The following TRAPPC9 variants were observed in gnomAD, a reference collection of about 807,000 sequenced individuals.
TRAPPC9 encodes the protein trafficking protein particle complex subunit 9, also known as IKK2 binding protein.
Under a neutral mutation model 124.0 loss-of-function variants are expected in TRAPPC9, and 83 were observed. The observed-to-expected ratio is 0.67, with a 90% CI of 0.56 to 0.80. TRAPPC9 has a LOEUF of 0.80. TRAPPC9 is among the 30% of genes least tolerant of loss of function. The pLI, the probability that TRAPPC9 is intolerant of heterozygous loss-of-function variation, is 0.00. For missense variants in TRAPPC9, 1,302 were observed against 1,508.3 expected (o/e 0.86, Z 2.27); for synonymous variants, 638 against 617.5 (o/e 1.03, Z -0.49).
intron 7 of TRAPPC9, among the ~76,000 whole-genome samples, chr8:140,392,292 A>ATTAAAT (rs2068949745): frequency 6.6e-6 from 1 of 152,218 alleles, no homozygotes; most frequent in East Asian, 1.9e-4. Context: ...GCATGCAACA[A>ATTAAAT]GCTGGCTGCT....
chr8:140,312,321 A>G (rs545344609), intron 9 of TRAPPC9, among the ~76,000 whole-genome samples: 44 of 152,342 alleles, frequency 2.9e-4, no homozygotes, highest in Admixed American at 1.6e-3. Flanking sequence ...CACGATCGCC[A>G]GGGATGACAC....
chr8:139,811,104 T>G (rs972678381), intron 21 of TRAPPC9, among the ~76,000 whole-genome samples: 2 of 152,084 alleles, frequency 1.3e-5, no homozygotes, highest in African/African-American at 4.8e-5. Context: ...AAGTGGCAAT[T>G]AATATTCTCA....
intron 9 of TRAPPC9, among the ~76,000 whole-genome samples, chr8:140,340,185 G>C (rs1429318457): frequency 6.6e-6 from 1 of 152,190 alleles, no homozygotes; most frequent in Non-Finnish European, 1.5e-5. Flanking sequence ...GTCAGTTAAA[G>C]ATTAGAGTCA....
chr8:139,956,762 G>A (rs1200503705), intron 19 of TRAPPC9, among the ~76,000 whole-genome samples: 1 of 152,190 alleles, frequency 6.6e-6, no homozygotes, highest in East Asian at 1.9e-4. Flanking sequence ...GCCACCCCGG[G>A]CAGGTCCTAT....
At position 139,984,251 on chromosome 8, in the gene TRAPPC9, A is replaced by G. The variant is rs137970045; in HGVS notation, c.2810+4475T>C. ...TCTTCCTTTAAGAGTAGGCTGTGCT[A>G]TCTGCAGAGAAAAGTTCTGTGCACC... On this transcript the variant is annotated intron_variant, in intron 19 of 22. Coordinates refer to ENST00000438773, the MANE Select transcript of TRAPPC9 (RefSeq NM_001160372.4). The surrounding 1 kb of genome is among the most constrained non-coding windows in gnomAD (Gnocchi z 4.3). Among the ~76,000 whole-genome samples, 94 of 152,268 alleles carry G rather than the reference A, an allele frequency of 6.2e-4. 2 individuals are homozygous for G. The East Asian group carries it at 0.017, about 27-fold the overall frequency.
At chr8:140,409,252 G>C (rs2069606597) in intron 5 of TRAPPC9, among the ~76,000 whole-genome samples, 1 of 151,966 alleles carries the variant, frequency 6.6e-6, no homozygotes, top group African/African-American at 2.4e-5. Context: ...TTAATGGTAA[G>C]AGATGCCATT....
At chr8:140,164,334 A>G (rs1466213074) in intron 17 of TRAPPC9, among the ~76,000 whole-genome samples, 1 of 152,218 alleles carries the variant, frequency 6.6e-6, no homozygotes, top group East Asian at 1.9e-4. Context: ...GTCGTCAACA[A>G]ATCCACATTG....
rs374197414 is a variant in TRAPPC9 at position 139,966,441 on chromosome 8, C to T, written c.2810+22285G>A. On this transcript the variant is annotated intron_variant, in intron 19 of 22. Transcript: ENST00000438773. ...CTGCACCCTTCCTCAGCCCTAGCTC[C>T]TGCAGCGGTGGGGCTCCTGCAGGGA... Among the ~76,000 whole-genome samples, 25 of 152,358 alleles carry T rather than the reference C, an allele frequency of 1.6e-4. No individual in the cohort carries two copies. The East Asian group carries it at 2.3e-3, about 14-fold the overall frequency.
At chr8:140,352,762 T>C (rs2067624898) in intron 9 of TRAPPC9, among the ~76,000 whole-genome samples, 1 of 152,204 alleles carries the variant, frequency 6.6e-6, no homozygotes, top group African/African-American at 2.4e-5. Context: ...AGACAAATTA[T>C]AACAGCAGCA....
chr8:140,008,273 G>C (rs1306912580), intron 18 of TRAPPC9, among the ~76,000 whole-genome samples: 1 of 152,340 alleles, frequency 6.6e-6, no homozygotes, highest in African/African-American at 2.4e-5. Flanking sequence ...CTGTGACACT[G>C]GTTCCAGTTT....
At chr8:139,877,090 T>C (rs1329393987) in intron 21 of TRAPPC9, among the ~76,000 whole-genome samples, 1 of 152,240 alleles carries the variant, frequency 6.6e-6, no homozygotes, top group African/African-American at 2.4e-5. Flanking sequence ...GAATGTGTAC[T>C]GAAAATATCC....
intron 17 of TRAPPC9, among the ~76,000 whole-genome samples, chr8:140,168,476 C>T (rs1485853640): frequency 6.8e-6 from 1 of 146,764 alleles, no homozygotes; most frequent in Non-Finnish European, 1.5e-5. Context: ...TTTTCCTGTT[C>T]TGAATGTTTC....
At position 139,728,263 on chromosome 8, in the gene TRAPPC9, G is replaced by A. The variant is rs1465162584; in HGVS notation, c.*2798C>T. 6.6e-6 allele frequency among the ~76,000 whole-genome samples: 1 copy of A among 152,144 alleles called. No homozygotes were observed. The highest frequency in any genetic ancestry group is 2.1e-4 in the South Asian group (1 of 4,804). ...GGAGCATGACGGCTGCATGATTATG[G>A]GGTCACCGGGCCTGTCCTGGCCCTG... On this transcript the variant is annotated 3_prime_UTR_variant, in exon 23 of 23. Coordinates refer to ENST00000438773, the MANE Select transcript of TRAPPC9 (RefSeq NM_001160372.4).
intron 9 of TRAPPC9, among the ~76,000 whole-genome samples, chr8:140,321,574 G>A (rs1170294231): frequency 6.6e-6 from 1 of 152,186 alleles, no homozygotes; most frequent in Non-Finnish European, 1.5e-5. Context: ...CTAGGAGACA[G>A]GGCCCAACAG....
chr8:140,214,044 T>C (rs1250059626), intron 17 of TRAPPC9, among the ~76,000 whole-genome samples: 2 of 152,216 alleles, frequency 1.3e-5, no homozygotes, highest in East Asian at 1.9e-4. Flanking sequence ...TGTGCATAAG[T>C]TGGATGCCTT....
At chr8:139,739,580 C>T (rs1360005202) in intron 21 of TRAPPC9, among the ~76,000 whole-genome samples, 1 of 152,216 alleles carries the variant, frequency 6.6e-6, no homozygotes, top group African/African-American at 2.4e-5. Flanking sequence ...AGCCTCTGCA[C>T]CTGCCATCCT....
At chr8:139,901,428 C>G (rs921298359) in intron 20 of TRAPPC9, among the ~76,000 whole-genome samples, 1 of 152,254 alleles carries the variant, frequency 6.6e-6, no homozygotes. Flanking sequence ...TCTTGCCGCT[C>G]TCATTTCAGT....
chr8:140,381,794 G>C (rs1262637388), intron 7 of TRAPPC9, among the ~76,000 whole-genome samples: 1 of 150,214 alleles, frequency 6.7e-6, no homozygotes, highest in Non-Finnish European at 1.5e-5. Flanking sequence ...CTCATCAAAA[G>C]ATGGACAATA....
In TRAPPC9 at chr8:140,451,109, C is replaced by A; in HGVS notation, c.265G>T (p.Ala89Ser). 1 of 1,614,056 alleles carries A rather than the reference C, an allele frequency of 6.2e-7. No homozygotes were observed. The highest frequency in any genetic ancestry group is 8.5e-7 in the Non-Finnish European group (1 of 1,180,006). The change falls in exon 2 of 23, where the codon GCC (alanine) becomes TCC (serine). Residue 89 changes from alanine to serine, a missense_variant. Transcript: ENST00000438773. ...TCAAAGGTCTGTGGCCAGTCCTTGG[C>A]CGAGAAGCAGTCTGTGATGGTGATG... ...GLITITDCFS[A>S]KDWPQTFEKF... is the part of the protein sequence containing the mutation.
Sources: gnomAD v4.1 joint callset for allele counts (sites outside exome capture counted in the v4.1 genomes callset) on GRCh38, gnomAD v4.1.1 for gene constraint, Gnocchi (gnomAD v3.1) non-coding constraint, MANE v1.5 for transcripts, NCBI Gene and HGNC (gene_info 2026-07-23, HGNC 2026-07-21) for gene names.